The following PTPRZ1 variants were observed in gnomAD, a reference collection of about 807,000 sequenced individuals.
PTPRZ1 encodes receptor-type tyrosine-protein phosphatase zeta.
PTPRZ1 carries 82 observed loss-of-function variants against 214.1 expected under a neutral mutation model. The observed-to-expected ratio is 0.38, with a 90% confidence interval of 0.32 to 0.46. PTPRZ1 has a LOEUF of 0.46. Among genes scored for constraint, PTPRZ1 ranks in the 20% least tolerant of loss-of-function variants. The pLI, the probability that PTPRZ1 is intolerant of heterozygous loss-of-function variation, is 1.00. For missense variants in PTPRZ1, 2,603 were observed against 2,748.7 expected (o/e 0.95, Z 1.19); for synonymous variants, 945 against 987.9 (o/e 0.96, Z 0.81).
At chr7:121,935,252 G>A (rs543896275) in intron 2 of PTPRZ1, among the ~76,000 whole-genome samples, 1 of 152,192 alleles carries the variant, frequency 6.6e-6, no homozygotes, top group African/African-American at 2.4e-5. Context: ...AAATGCTAAT[G>A]TGTCTCCCCT....
rs147098673 is a variant in PTPRZ1, at chr7:121,914,236, TACCACTGTCTTAA to T, written c.59-13918_59-13906del. Among the ~76,000 whole-genome samples the T allele has an allele frequency of 5.7e-3, 866 of 152,360 alleles. 10 individuals carry two copies. The highest frequency in any genetic ancestry group is 0.019 in the African/African-American group (803 of 41,596). On this transcript the variant is annotated intron_variant, in intron 1 of 29. Coordinates refer to ENST00000393386, the MANE Select transcript of PTPRZ1 (RefSeq NM_002851.3). ...ACACCTCTGTGAAATCATAGGTGTT[TACCACTGTCTTAA>T]ATCACTGGTTTATGATTACTTGATA...
rs183884488 is a variant in PTPRZ1, at chr7:121,928,465, G to T, written c.124+244G>T. On this transcript the variant is annotated intron_variant, in intron 2 of 29. Coordinates refer to ENST00000393386, the MANE Select transcript of PTPRZ1 (RefSeq NM_002851.3). Reference sequence around the variant, plus strand: ...TGTATTTGAAGCTCAGGCCCAAGCTGTCTATATACCTTCAAGAAATAACAT... The same window carrying T: ...TGTATTTGAAGCTCAGGCCCAAGCTTTCTATATACCTTCAAGAAATAACAT... Among the ~76,000 whole-genome samples the T allele has an allele frequency of 3.4e-4, 51 of 152,232 alleles. 1 individual carries two copies. In the Middle Eastern group the frequency reaches 0.014, roughly 41 times the overall value.
intron 22 of PTPRZ1, among the ~76,000 whole-genome samples, chr7:122,044,118 A>G (rs1430637680): frequency 6.6e-6 from 1 of 152,192 alleles, no homozygotes; most frequent in African/African-American, 2.4e-5. Context: ...AGAGGTGTCA[A>G]GTTTGAAGGA....
chr7:121,896,881 G>T (rs1794801453), intron 1 of PTPRZ1, among the ~76,000 whole-genome samples: 1 of 152,060 alleles, frequency 6.6e-6, no homozygotes, highest in African/African-American at 2.4e-5. Context: ...GTTTTTGAGG[G>T]CTTGGGGTGA....
intron 1 of PTPRZ1, among the ~76,000 whole-genome samples, chr7:121,904,325 C>T (rs1489943261): frequency 1.3e-5 from 2 of 152,216 alleles, no homozygotes; most frequent in East Asian, 3.9e-4. Context: ...AAGGGCACAT[C>T]ACTGGTGAGG....
chr7:121,921,458 C>T (rs936375874), intron 1 of PTPRZ1, among the ~76,000 whole-genome samples: 2 of 152,050 alleles, frequency 1.3e-5, no homozygotes, highest in Non-Finnish European at 2.9e-5. Context: ...TGTTCTTTTC[C>T]ATTATCCTTA....
At chr7:121,947,752 A>C (rs1796428444) in intron 2 of PTPRZ1, among the ~76,000 whole-genome samples, 1 of 152,120 alleles carries the variant, frequency 6.6e-6, no homozygotes, top group Non-Finnish European at 1.5e-5. Flanking sequence ...CCTCTATTTG[A>C]AGATTTTTTT....
At chr7:121,979,068 A>G (rs939071493) in intron 6 of PTPRZ1, among the ~76,000 whole-genome samples, 17 of 4,968 alleles carry the variant, frequency 3.4e-3, no homozygotes, top group African/African-American at 4.8e-3. Context: ...AATGTAAGTT[A>G]TTAAAAAAAA....
intron 1 of PTPRZ1, among the ~76,000 whole-genome samples, chr7:121,915,702 A>G (rs1026835269): frequency 6.6e-5 from 10 of 152,178 alleles, no homozygotes; most frequent in Non-Finnish European, 1.0e-4. Flanking sequence ...CTTATCAGAT[A>G]AACATCTTCT....
chr7:121,889,570 A>G (rs1794518378), intron 1 of PTPRZ1, among the ~76,000 whole-genome samples: 1 of 152,196 alleles, frequency 6.6e-6, no homozygotes, highest in African/African-American at 2.4e-5. Context: ...TTAACATGCT[A>G]TTATTTCTAC....
At chr7:122,004,828 A>C (rs1341712360) in intron 11 of PTPRZ1, among the ~76,000 whole-genome samples, 168 bp downstream of exon 11, 1 of 152,088 alleles carries the variant, frequency 6.6e-6, no homozygotes, top group Non-Finnish European at 1.5e-5. Flanking sequence ...ATTTATATAC[A>C]TGATTCTCTT....
intron 1 of PTPRZ1, among the ~76,000 whole-genome samples, chr7:121,879,183 T>C (rs1205815678): frequency 6.6e-6 from 1 of 152,234 alleles, no homozygotes; most frequent in Non-Finnish European, 1.5e-5. Flanking sequence ...TGATTGATAC[T>C]GAGTGTGTAC....
chr7:122,053,950 C>T lies in PTPRZ1; in HGVS notation c.6293C>T (p.Pro2098Leu). The T allele has an allele frequency of 2.5e-6, 4 of 1,613,274 alleles. No homozygotes were observed. Among genetic ancestry groups the T allele is most frequent in the Non-Finnish European group, 3.4e-6 (4 of 1,179,394 alleles). ...QSNEFIITQH[P>L]LLHTIKDFWR... ...AATGAATTCATCATTACCCAGCACCCTCTCCTTCATACCATCAAGGATTTC... is the reference window on the plus strand; with the variant it reads ...AATGAATTCATCATTACCCAGCACCTTCTCCTTCATACCATCAAGGATTTC... Residue 2098 changes from proline (P) to leucine (L), a missense_variant, in exon 26 of 30, where the codon CCT becomes CTT. Transcript: ENST00000393386.
At chr7:121,949,481 T>C (rs1796490100) in intron 2 of PTPRZ1, among the ~76,000 whole-genome samples, 1 of 152,236 alleles carries the variant, frequency 6.6e-6, no homozygotes, top group Non-Finnish European at 1.5e-5. Flanking sequence ...TTATCATATT[T>C]TGCTCCATTC....
At chr7:122,031,110 A>G (rs1562872453) in intron 14 of PTPRZ1, among the ~76,000 whole-genome samples, 1 of 152,000 alleles carries the variant, frequency 6.6e-6, no homozygotes, top group African/African-American at 2.4e-5. Flanking sequence ...TTATTTCTAC[A>G]TTTTTTCTCA....
Position 121,928,139 on chromosome 7 carries a change from GT to G in PTPRZ1, c.59-12del. The G allele has an allele frequency of 6.3e-7, 1 of 1,591,050 alleles. No homozygotes were observed. The highest frequency in any genetic ancestry group is 8.6e-7 in the Non-Finnish European group (1 of 1,164,068). On this transcript the variant is annotated splice_polypyrimidine_tract_variant and intron_variant, in intron 1 of 29. Transcript: ENST00000393386. Reference sequence around the variant, plus strand: ...TATTTTTCTACATACTGATTACTTGGTTTTTCTTTTTTATAGATTGGGCTAA... The same window carrying G: ...TATTTTTCTACATACTGATTACTTGGTTTTCTTTTTTATAGATTGGGCTAA...
intron 1 of PTPRZ1, among the ~76,000 whole-genome samples, chr7:121,879,256 T>C (rs1402288695): frequency 1.3e-5 from 2 of 152,190 alleles, no homozygotes; most frequent in East Asian, 1.9e-4. Flanking sequence ...GAGTTTTGGA[T>C]ACATCCCAGG....
intron 6 of PTPRZ1, among the ~76,000 whole-genome samples, chr7:121,983,345 A>G (rs1797670541): frequency 6.6e-6 from 1 of 152,138 alleles, no homozygotes; most frequent in South Asian, 2.1e-4. Context: ...TTTATTTTCC[A>G]TGAACTGGTA....
At chr7:122,004,247 A>G (rs1029021419) in intron 10 of PTPRZ1, among the ~76,000 whole-genome samples, 1 of 152,148 alleles carries the variant, frequency 6.6e-6, no homozygotes, top group Admixed American at 6.6e-5. Flanking sequence ...TAAGGATGAA[A>G]TAACTCTGTA....
Sources: allele counts gnomAD v4.1 joint callset (sites outside exome capture counted in the v4.1 genomes callset), GRCh38; gene constraint gnomAD v4.1.1; transcripts MANE v1.5; gene names NCBI Gene and HGNC (gene_info 2026-07-23, HGNC 2026-07-21).